Variants in ANKRD13C observed in about 807,000 individuals in gnomAD.
ANKRD13C encodes ankyrin repeat domain 13C, also known as ankyrin repeat domain-containing protein 13C.
In ANKRD13C, 16 loss-of-function variants were observed where a neutral mutation model predicts 65.5. The ratio of observed to expected loss-of-function variants is 0.24; its 90% CI spans 0.17 to 0.37. The LOEUF (loss-of-function observed/expected upper bound fraction) is 0.37, where lower values mean the gene tolerates loss of function less well. ANKRD13C is among the 10% of genes least tolerant of loss of function. The pLI is 1.00. For missense variants in ANKRD13C, 503 were observed against 655.9 expected, an observed-to-expected ratio of 0.77 and a Z score of 2.55; for synonymous variants, 235 against 238.7, an observed-to-expected ratio of 0.98 and a Z score of 0.14.
At chr1:70,279,739 G>A (rs1324922622) in intron 9 of ANKRD13C, among the ~76,000 whole-genome samples, 6 of 152,128 alleles carry the variant, frequency 3.9e-5, no homozygotes, top group African/African-American at 7.2e-5. Flanking sequence ...CTGGCCTCAA[G>A]TGATCTGCCC....
intron 7 of ANKRD13C, among the ~76,000 whole-genome samples, chr1:70,298,907 T>C (rs879601270): frequency 1.2e-4 from 18 of 152,196 alleles, no homozygotes; most frequent in Non-Finnish European, 2.2e-4. Flanking sequence ...ATTTATTATC[T>C]CTTCCTTCAC....
At chr1:70,341,596 G>C (rs184153002) in intron 1 of ANKRD13C, among the ~76,000 whole-genome samples, 306 of 152,166 alleles carry the variant, frequency 2.0e-3, no homozygotes, top group African/African-American at 7.1e-3. Context: ...CGGACCTCAA[G>C]TGATCTGCCT....
intron 5 of ANKRD13C, among the ~76,000 whole-genome samples, chr1:70,308,274 G>A (rs1053180594): frequency 7.9e-5 from 12 of 151,946 alleles, no homozygotes; most frequent in African/African-American, 2.4e-4. Flanking sequence ...AGAATTACAG[G>A]CACAAGCCAC....
chr1:70,278,993 G>T (rs772900883), intron 9 of ANKRD13C, among the ~76,000 whole-genome samples: 6 of 151,944 alleles, frequency 3.9e-5, no homozygotes, highest in Non-Finnish European at 7.4e-5. Context: ...TTGAGCTCAG[G>T]AGTTTGAGAC....
rs1365303737 is a variant in ANKRD13C, at chr1:70,274,760, T to C, written c.1354A>G (p.Thr452Ala). Reference protein sequence around the residue: ...CKESKKTFKATIAMSQEFPLG... With the variant: ...CKESKKTFKAAIAMSQEFPLG... ...GGAAATTCCTGGCTCATGGCTATCG[T>C]AGCTTTAAACGTTTTCTTACTCTCT... The change falls in exon 11 of 13, where the codon ACG becomes GCG. Residue 452 changes from threonine (T) to alanine (A), a missense_variant. Physicochemically the swap from Thr to Ala is moderately conservative, Grantham distance 58. This residue lies in a region of ANKRD13C where 300 missense variants were observed against 478.3 expected (regional missense o/e 0.63). Transcript: ENST00000370944. 6.2e-7 allele frequency: 1 copy of C among 1,613,944 alleles called. No individual in the cohort carries two copies. The highest frequency in any genetic ancestry group is 8.5e-7 in the Non-Finnish European group (1 of 1,179,918).
At chr1:70,341,363 G>GTTT (rs35739788) in intron 1 of ANKRD13C, among the ~76,000 whole-genome samples, 17 of 109,164 alleles carry the variant, frequency 1.6e-4, no homozygotes, top group African/African-American at 3.6e-4. Context: ...CTTTTTGTGT[G>GTTT]TTTTTTTTTT....
In ANKRD13C at chr1:70,354,119, C is replaced by T. The variant is rs190962667; in HGVS notation, c.290G>A (p.Gly97Asp). Residue 97 changes from glycine to aspartate, a missense_variant, in exon 1 of 13, where the codon GGC (glycine) becomes GAC (aspartate). Physicochemically the swap from Gly to Asp is moderately conservative, Grantham distance 94. Coordinates refer to ENST00000370944, the MANE Select transcript of ANKRD13C (RefSeq NM_030816.5). Reference protein sequence around the residue: ...ANSQSPALLAGTNPVAVVADG... With the variant: ...ANSQSPALLADTNPVAVVADG... ...CGCGACGACAGCAACGGGGTTGGTG[C>T]CGGCCAGAAGGGCCGGGGACTGGGA... 1.3e-3 allele frequency: 2,177 copies of T among 1,613,582 alleles called. 3 individuals are homozygous for T. The highest frequency in any genetic ancestry group is 1.7e-3 in the Non-Finnish European group (2,057 of 1,179,646).
At position 70,354,180 on chromosome 1, in the gene ANKRD13C, C is replaced by A; in HGVS notation, c.229G>T (p.Ala77Ser). 6.2e-7 allele frequency: 1 copy of A among 1,613,910 alleles called. No individual in the cohort carries two copies. The highest frequency in any genetic ancestry group is 8.5e-7 in the Non-Finnish European group (1 of 1,180,022). ...PASSNPPGAP[A>S]LPLHNSSVTA... is the part of the protein sequence containing the mutation. The stretch of plus-strand genomic sequence containing the variant: ...ACGGAGGAATTGTGCAGCGGCAGAG[C>A]CGGGGCGCCGGGGGGATTGGAGGAG... Residue 77 changes from alanine (A) to serine (S), a missense_variant, in exon 1 of 13, where the codon GCT becomes TCT. Around this residue, in one of 2 missense-constraint regions of ANKRD13C, gnomAD observed 203 missense variants for 177.6 expected, o/e 1.14. Transcript: ENST00000370944.
At chr1:70,310,265 G>A (rs766729481) in intron 5 of ANKRD13C, among the ~76,000 whole-genome samples, 40 of 152,068 alleles carry the variant, frequency 2.6e-4, no homozygotes, top group African/African-American at 8.9e-4. Flanking sequence ...CTTATTTTTC[G>A]CTTGCTTTTT....
chr1:70,328,896 C>CA (rs1681663669), intron 2 of ANKRD13C, among the ~76,000 whole-genome samples: 1 of 151,908 alleles, frequency 6.6e-6, no homozygotes, highest in Admixed American at 6.6e-5. Context: ...ACCCATCTCC[C>CA]AAAAAACCAT....
intron 5 of ANKRD13C, among the ~76,000 whole-genome samples, chr1:70,310,901 T>C (rs1326406790): frequency 2.0e-5 from 3 of 152,168 alleles, no homozygotes; most frequent in Non-Finnish European, 4.4e-5. Flanking sequence ...ACTATAAACC[T>C]GTTTTTCTAT....
At chr1:70,289,437 TA>T (rs1440372554) in intron 9 of ANKRD13C, among the ~76,000 whole-genome samples, 2 of 151,906 alleles carry the variant, frequency 1.3e-5, no homozygotes, top group African/African-American at 4.8e-5. Flanking sequence ...TATTTCCATA[TA>T]CTTATCCCAA....
rs376141697 is a variant in ANKRD13C, at chr1:70,344,245, C to T, written c.431-8146G>A. 1.2e-4 allele frequency among the ~76,000 whole-genome samples: 17 copies of T among 145,992 alleles called. No individual in the cohort carries two copies. In the East Asian group the frequency reaches 2.7e-3, roughly 23 times the overall value. On this transcript the variant is annotated intron_variant, in intron 1 of 12. Transcript: ENST00000370944. The stretch of plus-strand genomic sequence containing the variant: ...CCGGGAGGTGGAGGTTGCAGTGAGC[C>T]GAGATCATGCCACTGCACTCAGCCT...
intron 9 of ANKRD13C, among the ~76,000 whole-genome samples, chr1:70,288,122 G>C (rs1252575618): frequency 6.6e-6 from 1 of 152,168 alleles, no homozygotes; most frequent in African/African-American, 2.4e-5. Flanking sequence ...AGGATATACA[G>C]ATAGCAAATA....
At chr1:70,322,113 G>A (rs1045550724) in intron 3 of ANKRD13C, among the ~76,000 whole-genome samples, 3 of 152,062 alleles carry the variant, frequency 2.0e-5, no homozygotes, top group East Asian at 3.9e-4. Context: ...TCAGGAATTC[G>A]AGACCAGCCT....
chr1:70,348,359 A>G (rs1463629475), intron 1 of ANKRD13C, among the ~76,000 whole-genome samples: 2 of 151,668 alleles, frequency 1.3e-5, no homozygotes, highest in African/African-American at 4.8e-5. Context: ...GCTCACCCCA[A>G]CCTCCACCTC....
At chr1:70,296,074 G>A in intron 8 of ANKRD13C, 56 bp downstream of exon 8, 2 of 1,563,938 alleles carry the variant, frequency 1.3e-6, no homozygotes, top group South Asian at 2.4e-5. Context: ...ACGTTATTTT[G>A]GAAATATTAA....
At chr1:70,330,187 G>C (rs1681722735) in intron 2 of ANKRD13C, among the ~76,000 whole-genome samples, 1 of 149,868 alleles carries the variant, frequency 6.7e-6, no homozygotes, top group East Asian at 2.1e-4. Flanking sequence ...TAAGCACTAA[G>C]GCTTAAAGAA....
At position 70,262,654 on chromosome 1, in the gene ANKRD13C, G is replaced by C; in HGVS notation, c.*63C>G. ...TGAAAGCATTTGTCCCTTCTATTTGGATCCACTTCTAGGGTCTCTGTATTT... is the reference window on the plus strand; with the variant it reads ...TGAAAGCATTTGTCCCTTCTATTTGCATCCACTTCTAGGGTCTCTGTATTT... On this transcript the variant is annotated 3_prime_UTR_variant, in exon 13 of 13. Coordinates refer to ENST00000370944, the MANE Select transcript of ANKRD13C (RefSeq NM_030816.5). 1 of 1,502,546 alleles carries C rather than the reference G, an allele frequency of 6.7e-7. No individual in the cohort carries two copies. The highest frequency in any genetic ancestry group is 1.8e-4 in the Middle Eastern group (1 of 5,578). 93.1% of individuals were successfully genotyped at this position (1,502,546 alleles called of 1,614,324 possible). A position where few individuals can be genotyped will look rare whatever the true frequency, so the allele number is the denominator to read the frequency against.
Sources: gnomAD v4.1 joint callset for allele counts (sites outside exome capture counted in the v4.1 genomes callset) on GRCh38, gnomAD v4.1.1 for gene constraint, gnomAD v4.1.1 regional missense constraint, MANE v1.5 for transcripts, NCBI Gene and HGNC (gene_info 2026-07-23, HGNC 2026-07-21) for gene names.